The following FGGY variants were observed in gnomAD, a reference collection of about 807,000 sequenced individuals.
FGGY encodes the protein FGGY carbohydrate kinase domain-containing protein.
A neutral mutation model predicts 71.3 loss-of-function variants in FGGY; 72 were observed. The ratio of observed to expected loss-of-function variants is 1.01; its 90% CI spans 0.84 to 1.23. The LOEUF (loss-of-function observed/expected upper bound fraction) is 1.23. FGGY is among the 50% of genes most tolerant of loss of function. The pLI is 0.00. For synonymous variants in FGGY, 251 were observed against 250.3 expected (o/e 1.00, Z -0.02); for missense variants, 668 against 682.3 (o/e 0.98, Z 0.23).
At chr1:59,591,658 T>C (rs2096441883) in intron 8 of FGGY, among the ~76,000 whole-genome samples, 1 of 152,148 alleles carries the variant, frequency 6.6e-6, no homozygotes. Flanking sequence ...ACCTGATCTT[T>C]GACATACCTG....
intron 7 of FGGY, 149 bp from the exon 8 acceptor site, chr1:59,553,975 G>A: frequency 1.8e-6 from 1 of 548,414 alleles, no homozygotes; most frequent in Non-Finnish European, 3.1e-6. Context: ...TGCCCTTTGG[G>A]TTTCTCCTTG....
intron 8 of FGGY, among the ~76,000 whole-genome samples, chr1:59,564,729 A>C (rs563792759): frequency 7.2e-5 from 11 of 152,362 alleles, no homozygotes; most frequent in African/African-American, 2.4e-4. Flanking sequence ...TAGCAGTTTC[A>C]TAAAACCTAC....
intron 10 of FGGY, 109 bp from the exon 11 acceptor site, chr1:59,638,119 G>A: frequency 3.6e-6 from 4 of 1,107,520 alleles, no homozygotes; most frequent in Non-Finnish European, 5.2e-6. Context: ...AAGCTTTTAG[G>A]AGCCTGCTTA....
intron 9 of FGGY, among the ~76,000 whole-genome samples, chr1:59,621,459 CAAA>C (rs56172542): frequency 1.0e-4 from 10 of 98,798 alleles, no homozygotes; most frequent in African/African-American, 2.7e-4. Flanking sequence ...GCCTCCGTCT[CAAA>C]AAAAAAAAAA....
At chr1:59,635,153 T>C (rs2096944452) in intron 10 of FGGY, among the ~76,000 whole-genome samples, 1 of 152,178 alleles carries the variant, frequency 6.6e-6, no homozygotes, top group South Asian at 2.1e-4. Flanking sequence ...AGGTTAAAAT[T>C]ATGTGAATAA....
chr1:59,575,267 C>G (rs898919274), intron 8 of FGGY, among the ~76,000 whole-genome samples: 3 of 152,138 alleles, frequency 2.0e-5, no homozygotes, highest in African/African-American at 7.2e-5. Flanking sequence ...TGCTTTACCC[C>G]TTGGCAACCC....
At chr1:59,376,454 T>C (rs551468748) in intron 4 of FGGY, among the ~76,000 whole-genome samples, 1 of 152,340 alleles carries the variant, frequency 6.6e-6, no homozygotes, top group Admixed American at 6.5e-5. Context: ...GGTGTTTATA[T>C]AGTAGTGTTA....
intron 4 of FGGY, among the ~76,000 whole-genome samples, chr1:59,359,714 A>C (rs971442034): frequency 5.3e-5 from 8 of 152,160 alleles, no homozygotes; most frequent in African/African-American, 9.7e-5. Flanking sequence ...TGGATTAGAT[A>C]AACTTCAGAG....
intron 9 of FGGY, 71 bp downstream of exon 9, chr1:59,607,981 C>G: frequency 1.6e-6 from 2 of 1,226,574 alleles, no homozygotes; most frequent in Non-Finnish European, 2.4e-6. Context: ...TGTCACATGA[C>G]CCATATACCC....
intron 1 of FGGY, among the ~76,000 whole-genome samples, chr1:59,310,808 G>A (rs2044183962): frequency 6.6e-6 from 1 of 152,212 alleles, no homozygotes; most frequent in African/African-American, 2.4e-5. Flanking sequence ...TCAGCCACAA[G>A]CCACATAGAA....
intron 6 of FGGY, among the ~76,000 whole-genome samples, chr1:59,507,277 C>G (rs1473320163): frequency 1.3e-5 from 2 of 152,198 alleles, no homozygotes; most frequent in Non-Finnish European, 2.9e-5. Flanking sequence ...TGAGACTCAG[C>G]TTCTAGTTAC....
intron 1 of FGGY, among the ~76,000 whole-genome samples, 159 bp from the exon 2 acceptor site, chr1:59,321,377 G>T (rs2046353046): frequency 6.6e-6 from 1 of 152,164 alleles, no homozygotes; most frequent in African/African-American, 2.4e-5. Flanking sequence ...ATGTTTATTA[G>T]TATACTGTTA....
chr1:59,549,210 C>A (rs140213378), intron 7 of FGGY, among the ~76,000 whole-genome samples: 105 of 152,312 alleles, frequency 6.9e-4, no homozygotes, highest in Non-Finnish European at 1.2e-3. Context: ...TGGAGCCCTT[C>A]CTCTCCAGGA....
At chr1:59,321,937 C>A (rs568600959) in intron 2 of FGGY, among the ~76,000 whole-genome samples, 187 bp downstream of exon 2, 1 of 152,270 alleles carries the variant, frequency 6.6e-6, no homozygotes, top group South Asian at 2.1e-4. Context: ...ATGGTAAGAG[C>A]TGGGATCAAA....
intron 3 of FGGY, among the ~76,000 whole-genome samples, chr1:59,340,924 C>T (rs1345155174): frequency 6.6e-6 from 1 of 152,110 alleles, no homozygotes; most frequent in Non-Finnish European, 1.5e-5. Context: ...ATTGCATGCT[C>T]CATCTGAAGG....
intron 7 of FGGY, among the ~76,000 whole-genome samples, chr1:59,553,472 C>G (rs1178658130): frequency 6.6e-6 from 1 of 152,132 alleles, no homozygotes; most frequent in Non-Finnish European, 1.5e-5. Flanking sequence ...GAATTTATAC[C>G]ATTTATGGGA....
At chr1:59,560,857 G>T (rs2095781311) in intron 8 of FGGY, among the ~76,000 whole-genome samples, 1 of 152,218 alleles carries the variant, frequency 6.6e-6, no homozygotes, top group Non-Finnish European at 1.5e-5. Flanking sequence ...CCTATAGGAA[G>T]AGATATTTGC....
chr1:59,655,467 C>T (rs1041126593), intron 11 of FGGY, among the ~76,000 whole-genome samples: 2 of 151,840 alleles, frequency 1.3e-5, no homozygotes, highest in African/African-American at 2.4e-5. Context: ...GTGATGTTCC[C>T]CTCCCTGTGT....
At chr1:59,380,362 A>G (rs2059259272) in intron 5 of FGGY, among the ~76,000 whole-genome samples, 1 of 151,498 alleles carries the variant, frequency 6.6e-6, no homozygotes, top group Non-Finnish European at 1.5e-5. Context: ...ATCCCTGAGG[A>G]ATCGCCACAC....
Sources: allele counts gnomAD v4.1 joint callset (sites outside exome capture counted in the v4.1 genomes callset), GRCh38; gene constraint gnomAD v4.1.1; transcripts MANE v1.5; gene names NCBI Gene and HGNC (gene_info 2026-07-23, HGNC 2026-07-21).